TMEM135: variants seen among roughly 807,000 people sequenced by gnomAD.
TMEM135 encodes the protein peroxisomal membrane protein 52.
Under a neutral mutation model 60.3 loss-of-function variants are expected in TMEM135, and 30 were observed. The ratio of observed to expected loss-of-function variants is 0.50; its 90% CI spans 0.37 to 0.68. TMEM135 has a LOEUF of 0.68. Ranked by LOEUF, TMEM135 falls within the 30% of genes least tolerant of loss-of-function variation. The probability of loss-of-function intolerance (pLI) is 0.00; values close to 1 mark genes in which losing one functional copy is unlikely to be tolerated. For synonymous variants in TMEM135, 190 were observed against 186.7 expected (o/e 1.02, Z -0.14); for missense variants, 468 against 548.8 (o/e 0.85, Z 1.47).
chr11:87,192,860 A>G (rs538513797), intron 5 of TMEM135, among the ~76,000 whole-genome samples: 4 of 152,320 alleles, frequency 2.6e-5, no homozygotes, highest in South Asian at 2.1e-4. Flanking sequence ...CACGCCTGTA[A>G]TTCCAGCACT....
intron 3 of TMEM135, among the ~76,000 whole-genome samples, chr11:87,077,522 C>T (rs76328617): frequency 0.02 from 3,093 of 152,294 alleles, 35 homozygotes; most frequent in Non-Finnish European, 0.028. Context: ...GTTTCATATA[C>T]GTGTTAGATT....
At chr11:87,225,802 TATTCTGTGATTTTAGGTGAGTACC>T in intron 5 of TMEM135, among the ~76,000 whole-genome samples, 4 of 152,122 alleles carry the variant, frequency 2.6e-5, no homozygotes, top group Admixed American at 2.6e-4. Context: ...GCTACTTAAA[TATTCTGTGATTTTAGGTGAGTACC>T]CTAACTTTTG....
chr11:87,083,978 C>T (rs1191901008), intron 3 of TMEM135, among the ~76,000 whole-genome samples: 2 of 151,830 alleles, frequency 1.3e-5, no homozygotes, highest in Admixed American at 1.3e-4. Flanking sequence ...ATTTCATATG[C>T]ATATATAGGA....
chr11:87,229,559 A>G (rs1398335995), intron 5 of TMEM135, among the ~76,000 whole-genome samples: 1 of 152,154 alleles, frequency 6.6e-6, no homozygotes, highest in Non-Finnish European at 1.5e-5. Context: ...TTGGAGGTCA[A>G]TTTGGCAATA....
chr11:87,236,992 G>A (rs1941012301), intron 6 of TMEM135, among the ~76,000 whole-genome samples: 1 of 151,876 alleles, frequency 6.6e-6, no homozygotes, highest in Non-Finnish European at 1.5e-5. Context: ...TTATGGACCT[G>A]ATTGTATGTA....
chr11:87,320,526 G>A (rs572147934), intron 14 of TMEM135, among the ~76,000 whole-genome samples: 1 of 152,176 alleles, frequency 6.6e-6, no homozygotes, highest in Admixed American at 6.6e-5. Context: ...ATTTCATTCA[G>A]CTGTTTTCTC....
intron 1 of TMEM135, among the ~76,000 whole-genome samples, chr11:87,051,516 T>C (rs370033527): frequency 7.3e-5 from 5 of 68,626 alleles, no homozygotes; most frequent in Admixed American, 3.1e-4. Context: ...TTCTTATACA[T>C]CAACAACAGA....
intron 5 of TMEM135, among the ~76,000 whole-genome samples, chr11:87,210,727 G>T (rs1018766782): frequency 3.0e-4 from 45 of 152,138 alleles, no homozygotes; most frequent in Admixed American, 6.5e-4. Flanking sequence ...TATCCCTGAT[G>T]AATATAGATG....
intron 4 of TMEM135, among the ~76,000 whole-genome samples, chr11:87,127,366 G>A (rs538037521): frequency 2.0e-5 from 3 of 152,270 alleles, no homozygotes; most frequent in South Asian, 2.1e-4. Flanking sequence ...TCCATGGCAG[G>A]CCTTTCTGTG....
chr11:87,218,874 A>G (rs1157834326), intron 5 of TMEM135, among the ~76,000 whole-genome samples: 1 of 152,150 alleles, frequency 6.6e-6, no homozygotes, highest in Non-Finnish European at 1.5e-5. Flanking sequence ...AGGCAGGAGA[A>G]TCGCTTGAAC....
At chr11:87,071,466 A>G in intron 2 of TMEM135, 57 bp from the exon 3 acceptor site, 1 of 1,323,466 alleles carries the variant, frequency 7.6e-7, no homozygotes. Flanking sequence ...TTCTATTCAT[A>G]ATAACTGAAG....
chr11:87,321,939 G>T lies in TMEM135; in HGVS notation c.*606G>T, dbSNP rs772213612. ...TCATACCATTTGGATAAATGTCGTGGTATCCATGCTTTTTTTCAACTAATA... is the reference window on the plus strand; with the variant it reads ...TCATACCATTTGGATAAATGTCGTGTTATCCATGCTTTTTTTCAACTAATA... On this transcript the variant is annotated 3_prime_UTR_variant, in exon 15 of 15. Transcript: ENST00000305494. 16 of 454,222 alleles carry T rather than the reference G, an allele frequency of 3.5e-5. No homozygotes were observed. Among genetic ancestry groups the T allele is most frequent in the Non-Finnish European group, 5.7e-5 (13 of 226,728 alleles). The allele number at this position is 454,222 out of a possible 1,614,324, so 28.1% of individuals were successfully genotyped here. A position where few individuals can be genotyped will look rare whatever the true frequency, so the allele number is the denominator to read the frequency against.
intron 4 of TMEM135, chr11:87,095,558 C>T (rs1857305206): frequency 5.0e-6 from 1 of 201,988 alleles, no homozygotes; most frequent in African/African-American, 2.3e-5. Context: ...GTCCGGTTAT[C>T]AAAAGATAAT....
chr11:87,198,354 C>G (rs566512027), intron 5 of TMEM135, among the ~76,000 whole-genome samples: 1 of 152,168 alleles, frequency 6.6e-6, no homozygotes, highest in Non-Finnish European at 1.5e-5. Context: ...GAGCAGGATC[C>G]TTGGAAACCC....
At chr11:87,290,344 C>A (rs942011103) in intron 6 of TMEM135, among the ~76,000 whole-genome samples, 2 of 152,210 alleles carry the variant, frequency 1.3e-5, no homozygotes, top group South Asian at 2.1e-4. Context: ...GAGATATTTA[C>A]TTGAGAGAAC....
At chr11:87,110,314 A>T (rs1857709290) in intron 4 of TMEM135, among the ~76,000 whole-genome samples, 1 of 152,126 alleles carries the variant, frequency 6.6e-6, no homozygotes, top group African/African-American at 2.4e-5. Context: ...TGAATCCTGG[A>T]AGGCCGGGCA....
chr11:87,236,680 T>A lies in TMEM135; in HGVS notation c.505T>A (p.Phe169Ile). The change falls in exon 6 of 15, where the codon TTC becomes ATC. Residue 169 changes from phenylalanine (F) to isoleucine (I), a missense_variant. By Grantham distance (21) the Phe-to-Ile change is conservative. Coordinates refer to ENST00000305494, the MANE Select transcript of TMEM135 (RefSeq NM_022918.4). ...CITAAMYMFF[F>I]RCKDGLKGFT... Reference sequence around the variant, plus strand: ...CACAGCTGCCATGTACATGTTCTTTTTCAGGTATGTTCTGTTATACTTATT... The same window carrying A: ...CACAGCTGCCATGTACATGTTCTTTATCAGGTATGTTCTGTTATACTTATT... 1 of 1,611,986 alleles carries A rather than the reference T, an allele frequency of 6.2e-7. No individual in the cohort carries two copies. The highest frequency in any genetic ancestry group is 8.5e-7 in the Non-Finnish European group (1 of 1,178,610).
intron 4 of TMEM135, among the ~76,000 whole-genome samples, chr11:87,144,142 A>G (rs1180037927): frequency 1.5e-5 from 1 of 64,894 alleles, no homozygotes; most frequent in Non-Finnish European, 3.1e-5. Flanking sequence ...GTATAAAATA[A>G]AAAAAACTAC....
At chr11:87,234,707 A>G (rs1178039443) in intron 5 of TMEM135, among the ~76,000 whole-genome samples, 4 of 152,080 alleles carry the variant, frequency 2.6e-5, no homozygotes, top group Non-Finnish European at 5.9e-5. Context: ...GGGAAATTAT[A>G]TAAAGTATCT....
Sources: gnomAD v4.1 joint callset for allele counts (sites outside exome capture counted in the v4.1 genomes callset) on GRCh38, gnomAD v4.1.1 for gene constraint, MANE v1.5 for transcripts, NCBI Gene and HGNC (gene_info 2026-07-23, HGNC 2026-07-21) for gene names.